Variants in PCDH15 observed in about 807,000 individuals in gnomAD.
PCDH15 encodes the protein protocadherin related 15.
In PCDH15, 129 loss-of-function variants were observed where a neutral mutation model predicts 178.5. The observed-to-expected ratio is 0.72, with a 90% CI of 0.63 to 0.84. PCDH15 has a LOEUF of 0.84. Among genes scored for constraint, PCDH15 ranks in the 40% least tolerant of loss-of-function variants. PCDH15 has a pLI of 0.00. For missense variants in PCDH15, 2,230 were observed against 2,099.9 expected, an observed-to-expected ratio of 1.06 and a Z score of -1.21; for synonymous variants, 800 against 732.0, an observed-to-expected ratio of 1.09 and a Z score of -1.50.
chr10:54,422,546 A>G (rs960915994), intron 3 of PCDH15, among the ~76,000 whole-genome samples: 11 of 152,268 alleles, frequency 7.2e-5, no homozygotes, highest in Non-Finnish European at 1.5e-4. Flanking sequence ...GGGTCAGACA[A>G]TTATTTAATG....
intron 2 of PCDH15, among the ~76,000 whole-genome samples, chr10:55,557,882 A>G (rs1842121651): frequency 6.6e-6 from 1 of 152,178 alleles, no homozygotes; most frequent in East Asian, 1.9e-4. Flanking sequence ...TGGTCTGGGT[A>G]TACAGAGATT....
chr10:55,035,229 A>G (rs1840705465), intron 2 of PCDH15, among the ~76,000 whole-genome samples: 1 of 151,994 alleles, frequency 6.6e-6, no homozygotes, highest in Admixed American at 6.5e-5. Flanking sequence ...GTGGATAATT[A>G]AAAAATAAAT....
chr10:53,856,105 A>G (rs2078724748), intron 28 of PCDH15, among the ~76,000 whole-genome samples: 1 of 151,316 alleles, frequency 6.6e-6, no homozygotes, highest in African/African-American at 2.4e-5. Context: ...AGATGATACA[A>G]TGGAGTTTGG....
chr10:54,648,493 G>C lies in PCDH15; in HGVS notation c.91+15679C>G, dbSNP rs184705319. Among the ~76,000 whole-genome samples the C allele has an allele frequency of 2.0e-4, 31 of 152,196 alleles. No individual in the cohort carries two copies. The Middle Eastern group carries it at 0.01, about 50-fold the overall frequency. On this transcript the variant is annotated intron_variant, in intron 2 of 37. Transcript: ENST00000644397. ...GCTATATACACAACAGGTAGAACAG[G>C]GTTGGGCACCTAGTAGCCCCTTAAA...
rs189227500 is a variant in PCDH15, at chr10:54,236,905, C to T, written c.903G>A (p.Thr301=). Residue 301 remains threonine, a synonymous_variant, in exon 9 of 38, where the codon ACG becomes ACA. Coordinates refer to ENST00000644397, the MANE Select transcript of PCDH15 (RefSeq NM_001384140.1). ...CCTGATCAATGGCTTGGATTGGTGG[C>T]GTAACAATAATGGGGTTCAGTTCTT... ...TPEELNPIIV[T]PPIQAIDQDR... is the part of the protein sequence containing the mutation. The T allele has an allele frequency of 1.0e-4, 167 of 1,612,920 alleles. No individual in the cohort carries two copies. Among genetic ancestry groups the T allele is most frequent in the South Asian group, 8.5e-4 (77 of 91,030 alleles).
chr10:54,821,851 G>T (rs923982875), intron 3 of PCDH15, among the ~76,000 whole-genome samples: 2 of 151,660 alleles, frequency 1.3e-5, no homozygotes, highest in South Asian at 4.2e-4. Context: ...TTTTTTTTAT[G>T]CCTGTTTGTT....
chr10:55,072,005 C>G (rs1246066003), intron 2 of PCDH15, among the ~76,000 whole-genome samples: 1 of 151,974 alleles, frequency 6.6e-6, no homozygotes, highest in Admixed American at 6.6e-5. Context: ...CTACTGGGTA[C>G]CTAACGAAAT....
chr10:54,307,149 T>A lies in PCDH15; in HGVS notation c.876+10122A>T, dbSNP rs868607058. Among the ~76,000 whole-genome samples the A allele has an allele frequency of 3.7e-4, 37 of 100,178 alleles. 1 individual carries two copies. Among genetic ancestry groups the A allele is most frequent in the South Asian group, 1.4e-3 (4 of 2,916 alleles). 65.7% of individuals were successfully genotyped at this position (100,178 alleles called of 152,430 possible). On this transcript the variant is annotated intron_variant, in intron 8 of 37. Coordinates refer to ENST00000644397, the MANE Select transcript of PCDH15 (RefSeq NM_001384140.1). ...ATATATATATATATATATATATATA[T>A]AAAATTGCTTCAGTCAGGCTCCAGG...
chr10:55,473,736 A>T (rs2132109961), intron 2 of PCDH15, among the ~76,000 whole-genome samples: 1 of 152,258 alleles, frequency 6.6e-6, no homozygotes, highest in Middle Eastern at 3.4e-3. Flanking sequence ...ATCTGCCTCC[A>T]ATAGCATTAA....
intron 2 of PCDH15, among the ~76,000 whole-genome samples, chr10:55,139,436 C>A (rs1008166181): frequency 6.6e-6 from 1 of 151,978 alleles, no homozygotes; most frequent in Non-Finnish European, 1.5e-5. Flanking sequence ...TAAGTCCATG[C>A]TCCATTTTGA....
At chr10:54,030,606 TC>T (rs2093265345) in intron 18 of PCDH15, among the ~76,000 whole-genome samples, 1 of 152,048 alleles carries the variant, frequency 6.6e-6, no homozygotes, top group Admixed American at 6.6e-5. Flanking sequence ...TTCATTCTAG[TC>T]CCTAGAAATC....
At chr10:55,025,294 C>A (rs923442670) in intron 2 of PCDH15, among the ~76,000 whole-genome samples, 1 of 152,152 alleles carries the variant, frequency 6.6e-6, no homozygotes. Flanking sequence ...TGATCTGGCT[C>A]ATGAGATTTC....
intron 2 of PCDH15, among the ~76,000 whole-genome samples, chr10:55,022,484 T>C (rs1482971647): frequency 6.6e-6 from 1 of 150,592 alleles, no homozygotes; most frequent in Non-Finnish European, 1.5e-5. Flanking sequence ...AGAGATATTA[T>C]GTATTCTTAC....
At chr10:54,134,060 T>C (rs12255241) in intron 14 of PCDH15, among the ~76,000 whole-genome samples, 2,539 of 135,484 alleles carry the variant, frequency 0.019, 343 homozygotes, top group African/African-American at 0.062. Flanking sequence ...ATTTATTTAT[T>C]TGAGACGGAG....
At chr10:54,065,368 C>A (rs779685335) in intron 18 of PCDH15, among the ~76,000 whole-genome samples, 5 of 152,190 alleles carry the variant, frequency 3.3e-5, no homozygotes, top group Non-Finnish European at 5.9e-5. Flanking sequence ...GCTACCTTCT[C>A]TTCTTTGCCT....
At chr10:55,405,894 A>G (rs1204163981) in intron 2 of PCDH15, among the ~76,000 whole-genome samples, 1 of 151,990 alleles carries the variant, frequency 6.6e-6, no homozygotes, top group African/African-American at 2.4e-5. Context: ...GCAAAAAAAA[A>G]AGGATCCAGG....
At chr10:54,257,268 G>A (rs2056974891) in intron 8 of PCDH15, among the ~76,000 whole-genome samples, 1 of 152,072 alleles carries the variant, frequency 6.6e-6, no homozygotes, top group Middle Eastern at 3.2e-3. Flanking sequence ...TTACTGAGAG[G>A]ACAGAGGGTT....
At chr10:54,368,831 G>A (rs1011499134) in intron 5 of PCDH15, among the ~76,000 whole-genome samples, 9 of 151,910 alleles carry the variant, frequency 5.9e-5, no homozygotes, top group African/African-American at 2.2e-4. Flanking sequence ...AATAACTCGT[G>A]TTATGCCTAA....
At chr10:55,595,037 TA>T (rs1424866578) in intron 2 of PCDH15, among the ~76,000 whole-genome samples, 3 of 152,084 alleles carry the variant, frequency 2.0e-5, no homozygotes, top group Admixed American at 6.6e-5. Context: ...CACCCATGGA[TA>T]ATTAATTTTT....
Sources: allele counts gnomAD v4.1 joint callset (sites outside exome capture counted in the v4.1 genomes callset), GRCh38; gene constraint gnomAD v4.1.1; transcripts MANE v1.5; gene names NCBI Gene and HGNC (gene_info 2026-07-23, HGNC 2026-07-21).